Variants in SLC8A1 observed in about 807,000 individuals in gnomAD.
SLC8A1 encodes the protein sodium/calcium exchanger 1.
Under a neutral mutation model 68.3 loss-of-function variants are expected in SLC8A1, and 18 were observed. That is an observed-to-expected ratio of 0.26 (90% CI 0.18 to 0.39). SLC8A1 has a LOEUF of 0.39. Among genes scored for constraint, SLC8A1 ranks in the 10% least tolerant of loss-of-function variants. The pLI is 1.00. For synonymous variants in SLC8A1, 475 were observed against 415.5 expected, an observed-to-expected ratio of 1.14 and a Z score of -1.74; for missense variants, 985 against 1,156.7, an observed-to-expected ratio of 0.85 and a Z score of 2.15.
intron 2 of SLC8A1, among the ~76,000 whole-genome samples, chr2:40,287,590 GTGTGTGTGTGT>G (rs2068538048): frequency 7.2e-6 from 1 of 139,338 alleles, no homozygotes; most frequent in African/African-American, 3.2e-5. Context: ...TGATGTGTGT[GTGTGTGTGTGT>G]GTGTGTGTGT....
chr2:40,150,740 CAA>C (rs2043264819), intron 6 of SLC8A1, among the ~76,000 whole-genome samples: 1 of 152,150 alleles, frequency 6.6e-6, no homozygotes, highest in East Asian at 1.9e-4. Flanking sequence ...ACCAATGAGC[CAA>C]TATTCTTTTC....
intron 2 of SLC8A1, among the ~76,000 whole-genome samples, chr2:40,394,845 T>A (rs1289030126): frequency 6.6e-6 from 1 of 152,130 alleles, no homozygotes; most frequent in Non-Finnish European, 1.5e-5. Context: ...AAGTTGTCAT[T>A]TGTGCAAAGA....
At chr2:40,367,429 T>A (rs1047383993) in intron 2 of SLC8A1, among the ~76,000 whole-genome samples, 1 of 152,046 alleles carries the variant, frequency 6.6e-6, no homozygotes, top group Non-Finnish European at 1.5e-5. Flanking sequence ...GCTACACACA[T>A]CCCTTTTTTC....
At chr2:40,327,726 A>G (rs2075989893) in intron 2 of SLC8A1, among the ~76,000 whole-genome samples, 1 of 152,190 alleles carries the variant, frequency 6.6e-6, no homozygotes, top group African/African-American at 2.4e-5. Flanking sequence ...GGACATAAAG[A>G]TGAGAATAAT....
intron 1 of SLC8A1, among the ~76,000 whole-genome samples, chr2:40,497,421 A>T (rs1033141707): frequency 6.6e-6 from 1 of 152,054 alleles, no homozygotes; most frequent in Non-Finnish European, 1.5e-5. Flanking sequence ...AGATAGAAAA[A>T]TACATGTTGA....
chr2:40,326,455 A>C (rs2075834439), intron 2 of SLC8A1, among the ~76,000 whole-genome samples: 1 of 152,090 alleles, frequency 6.6e-6, no homozygotes, highest in Admixed American at 6.5e-5. Context: ...GATAAAAAAA[A>C]AAATGGTGAA....
intron 2 of SLC8A1, among the ~76,000 whole-genome samples, chr2:40,283,162 C>T (rs2067769586): frequency 6.6e-6 from 1 of 152,026 alleles, no homozygotes; most frequent in South Asian, 2.1e-4. Context: ...AAATAAAATC[C>T]AAAAACATTA....
intron 2 of SLC8A1, among the ~76,000 whole-genome samples, chr2:40,358,958 G>C (rs1381306785): frequency 6.6e-6 from 1 of 152,178 alleles, no homozygotes; most frequent in Non-Finnish European, 1.5e-5. Flanking sequence ...GAAAACGAGA[G>C]CTTACTGGGA....
intron 1 of SLC8A1, among the ~76,000 whole-genome samples, chr2:40,486,104 G>A (rs1250052970): frequency 2.0e-5 from 3 of 152,158 alleles, no homozygotes; most frequent in African/African-American, 7.2e-5. Context: ...CATGAGAACT[G>A]ATGGTTTTAT....
chr2:40,436,812 G>A (rs767380671), intron 1 of SLC8A1, among the ~76,000 whole-genome samples: 9 of 152,038 alleles, frequency 5.9e-5, no homozygotes, highest in Non-Finnish European at 1.0e-4. Context: ...TCTTTCAATA[G>A]AAAATAAATA....
exon 8 of SLC8A1, chr2:40,112,338 G>GCC (rs55841207): frequency 6.8e-6 from 1 of 146,416 alleles, no homozygotes; most frequent in African/African-American, 2.6e-5. Context: ...TGCATTTCCC[G>GCC]CCCCCCCCCC....
At chr2:40,144,366 G>A (rs1186697013) in intron 6 of SLC8A1, among the ~76,000 whole-genome samples, 1 of 152,152 alleles carries the variant, frequency 6.6e-6, no homozygotes, top group Non-Finnish European at 1.5e-5. Context: ...AGATCCTGAA[G>A]TTCAGAGAAT....
chr2:40,101,373 A>G (rs2033882654), exon 8 of SLC8A1: 1 of 152,124 alleles, frequency 6.6e-6, no homozygotes, highest in Non-Finnish European at 1.5e-5. Context: ...ATTAAGTATA[A>G]TTTAGTACTG....
chr2:40,452,124 C>G (rs962220661), upstream of SLC8A1: 3 of 138,020 alleles, frequency 2.2e-5, no homozygotes, highest in Admixed American at 7.2e-5. Flanking sequence ...GGGAGGCAGG[C>G]GCGGAGGCCG....
At chr2:40,364,607 A>G (rs1675543977) in intron 2 of SLC8A1, among the ~76,000 whole-genome samples, 1 of 151,928 alleles carries the variant, frequency 6.6e-6, no homozygotes, top group South Asian at 2.1e-4. Flanking sequence ...CCTCAGATAA[A>G]CAGATTCCTT....
intron 1 of SLC8A1, among the ~76,000 whole-genome samples, chr2:40,438,566 C>T (rs2149817420): frequency 6.6e-6 from 1 of 152,234 alleles, no homozygotes; most frequent in East Asian, 1.9e-4. Flanking sequence ...GCGACAGTTA[C>T]TCCAATGACC....
At chr2:40,156,228 G>A (rs985045122) in intron 6 of SLC8A1, among the ~76,000 whole-genome samples, 7 of 152,160 alleles carry the variant, frequency 4.6e-5, no homozygotes, top group Non-Finnish European at 8.8e-5. Flanking sequence ...CCATGTTTCA[G>A]TATTGGATGG....
intron 2 of SLC8A1, among the ~76,000 whole-genome samples, chr2:40,378,662 C>T (rs1040394605): frequency 6.6e-6 from 1 of 152,054 alleles, no homozygotes; most frequent in Non-Finnish European, 1.5e-5. Context: ...AGAAAGCTGC[C>T]CGTCATCTGC....
chr2:40,358,168 CATTCATTCATT>C (rs1439816283), intron 2 of SLC8A1, among the ~76,000 whole-genome samples: 2 of 151,366 alleles, frequency 1.3e-5, no homozygotes, highest in African/African-American at 4.9e-5. Flanking sequence ...CTCATCCACC[CATTCATTCATT>C]ATTCATTCAA....
Sources: gnomAD v4.1 joint callset for allele counts (sites outside exome capture counted in the v4.1 genomes callset) on GRCh38, gnomAD v4.1.1 for gene constraint, MANE v1.5 for transcripts, NCBI Gene and HGNC (gene_info 2026-07-23, HGNC 2026-07-21) for gene names.